The following RANBP2 variants were observed in gnomAD, a reference collection of about 807,000 sequenced individuals.
The protein encoded by RANBP2 is E3 SUMO-protein ligase RanBP2.
A neutral mutation model predicts 303.6 loss-of-function variants in RANBP2; 57 were observed. The observed-to-expected ratio is 0.19, with a 90% confidence interval of 0.15 to 0.23. The LOEUF (loss-of-function observed/expected upper bound fraction) is 0.23. RANBP2 is among the 10% of genes least tolerant of loss of function. The probability of loss-of-function intolerance (pLI) is 1.00; values close to 1 mark genes in which losing one functional copy is unlikely to be tolerated. For missense variants in RANBP2, 3,138 were observed against 3,780.8 expected (o/e 0.83, Z 4.46); for synonymous variants, 1,167 against 1,301.5 (o/e 0.90, Z 2.23).
the RANBP2 span, among the ~76,000 whole-genome samples, chr2:109,755,197 G>A: frequency 6.5e-3 from 709 of 109,674 alleles, 4 homozygotes; most frequent in African/African-American, 0.014. Flanking sequence ...GCACACCTTG[G>A]TGGGGGGGGG....
chr2:109,466,371 C>T, the RANBP2 span, among the ~76,000 whole-genome samples: 2 of 152,068 alleles, frequency 1.3e-5, no homozygotes, highest in African/African-American at 2.4e-5. Flanking sequence ...GTGAGTCCTG[C>T]GCCCAGCCTG....
chr2:109,471,350 C>T, the RANBP2 span, among the ~76,000 whole-genome samples: 4 of 152,002 alleles, frequency 2.6e-5, no homozygotes, highest in Non-Finnish European at 5.9e-5. Context: ...GGGAAGCAAG[C>T]ACCTTCTTCA....
chr2:109,562,459 C>T, the RANBP2 span, among the ~76,000 whole-genome samples: 2 of 151,910 alleles, frequency 1.3e-5, no homozygotes, highest in Non-Finnish European at 2.9e-5. Context: ...CTATTTGATC[C>T]AACAGTGCAC....
chr2:108,765,080 C>G lies in RANBP2; in HGVS notation c.4541C>G (p.Ser1514Cys), dbSNP rs763744413. 4.3e-6 allele frequency: 7 copies of G among 1,614,026 alleles called. No homozygotes were observed. The South Asian group carries it at 7.7e-5, about 18-fold the overall frequency. ...NPRKQSLPATSIPTPASFKFG... is the reference protein window; with the variant it reads ...NPRKQSLPATCIPTPASFKFG... The stretch of plus-strand genomic sequence containing the variant: ...AGAAAACAGAGTCTACCTGCTACTT[C>G]TATTCCAACACCTGCCTCTTTTAAG... Residue 1514 changes from serine to cysteine, a missense_variant, in exon 20 of 29, where the codon TCT becomes TGT. This residue lies in a region of RANBP2 where 388 missense variants were observed against 328.5 expected (regional missense o/e 1.18). Coordinates refer to ENST00000283195, the MANE Select transcript of RANBP2 (RefSeq NM_006267.5).
the RANBP2 span, among the ~76,000 whole-genome samples, chr2:108,825,938 A>G: frequency 6.6e-6 from 1 of 152,154 alleles, no homozygotes; most frequent in Non-Finnish European, 1.5e-5. Flanking sequence ...CGGATTTAAA[A>G]TTTTTGTCAT....
At chr2:109,302,764 CT>C in the RANBP2 span, among the ~76,000 whole-genome samples, 20 of 152,168 alleles carry the variant, frequency 1.3e-4, no homozygotes, top group Admixed American at 2.0e-4. Context: ...GACATTTCAC[CT>C]GCCTCTCGGA....
chr2:109,676,983 A>G, the RANBP2 span, among the ~76,000 whole-genome samples: 1 of 152,076 alleles, frequency 6.6e-6, no homozygotes, highest in Non-Finnish European at 1.5e-5. Context: ...CTGGAATGTC[A>G]TGTCTGAGGT....
rs192629843 is a variant in RANBP2 at position 108,748,907 on chromosome 2, A to T, written c.1064-13A>T. The T allele has an allele frequency of 2.5e-3, 3,983 of 1,608,862 alleles. 82 individuals are homozygous for T. In the African/African-American group the frequency reaches 0.048, roughly 19 times the overall value. Reference sequence around the variant, plus strand: ...TTTTAAAGTGATGGAAATAACTTAAATTTTTTTTTCAGGGCACATGTTGCT... The same window carrying T: ...TTTTAAAGTGATGGAAATAACTTAATTTTTTTTTTCAGGGCACATGTTGCT... On this transcript the variant is annotated splice_polypyrimidine_tract_variant and intron_variant, in intron 8 of 28. Transcript: ENST00000283195.
the RANBP2 span, among the ~76,000 whole-genome samples, chr2:109,143,185 G>C: frequency 6.6e-6 from 1 of 152,128 alleles, no homozygotes; most frequent in African/African-American, 2.4e-5. Context: ...TTGTCAAGTG[G>C]TGCATATAGA....
the RANBP2 span, among the ~76,000 whole-genome samples, chr2:109,644,649 G>A: frequency 6.6e-6 from 1 of 152,176 alleles, no homozygotes; most frequent in Non-Finnish European, 1.5e-5. Context: ...TGGCTCCTGT[G>A]TTCTCTTTAT....
the RANBP2 span, among the ~76,000 whole-genome samples, chr2:109,136,487 T>C: frequency 1.9e-3 from 283 of 152,274 alleles, no homozygotes; most frequent in South Asian, 9.1e-3. Context: ...GCCTCCCTTT[T>C]CCCATTGAGT....
At chr2:109,318,278 C>A in the RANBP2 span, among the ~76,000 whole-genome samples, 1 of 152,044 alleles carries the variant, frequency 6.6e-6, no homozygotes, top group Non-Finnish European at 1.5e-5. Flanking sequence ...TGTTCGGGAG[C>A]ATTTCCATGC....
chr2:108,731,549 C>T (rs1219004923), intron 4 of RANBP2, 75 bp downstream of exon 4: 2 of 1,606,714 alleles, frequency 1.2e-6, no homozygotes, highest in Non-Finnish European at 1.7e-6. Flanking sequence ...AATTACTTTT[C>T]AATAGCAAAC....
chr2:109,011,630 G>A, the RANBP2 span, among the ~76,000 whole-genome samples: 2 of 152,258 alleles, frequency 1.3e-5, no homozygotes, highest in South Asian at 2.1e-4. Context: ...TGGAACTGCT[G>A]TTATGAGGAT....
the RANBP2 span, among the ~76,000 whole-genome samples, chr2:109,187,410 G>C: frequency 6.6e-6 from 1 of 151,680 alleles, no homozygotes; most frequent in Non-Finnish European, 1.5e-5. Flanking sequence ...TGGTGCTTAA[G>C]GCCGCACACA....
chr2:108,812,843 A>G, the RANBP2 span: 3 of 1,613,292 alleles, frequency 1.9e-6, no homozygotes, highest in East Asian at 2.2e-5. Context: ...TTATGACAAT[A>G]CAGAGATTGA....
intron 8 of RANBP2, among the ~76,000 whole-genome samples, chr2:108,747,354 A>G (rs1696594374): frequency 6.6e-6 from 1 of 152,246 alleles, no homozygotes; most frequent in Admixed American, 6.5e-5. Context: ...GTGGCCATTG[A>G]ATCAAGCAGT....
At chr2:109,270,274 C>T in the RANBP2 span, among the ~76,000 whole-genome samples, 5 of 152,078 alleles carry the variant, frequency 3.3e-5, no homozygotes, top group African/African-American at 1.2e-4. Flanking sequence ...AACCTTAAGG[C>T]GAGTCTGTGG....
At chr2:109,188,136 A>G in the RANBP2 span, among the ~76,000 whole-genome samples, 1 of 152,246 alleles carries the variant, frequency 6.6e-6, no homozygotes, top group Non-Finnish European at 1.5e-5. Flanking sequence ...CATGGGAAAC[A>G]AAATATGACT....
Sources: allele counts gnomAD v4.1 joint callset (sites outside exome capture counted in the v4.1 genomes callset), GRCh38; gene constraint gnomAD v4.1.1; regional missense constraint gnomAD v4.1.1; transcripts MANE v1.5; gene names NCBI Gene and HGNC (gene_info 2026-07-23, HGNC 2026-07-21).